RALYL: variants seen among roughly 807,000 people sequenced by gnomAD.
RALYL encodes the protein RNA-binding Raly-like protein.
RALYL carries 29 observed loss-of-function variants against 35.1 expected under a neutral mutation model. The observed-to-expected ratio is 0.83, with a 90% confidence interval of 0.61 to 1.13. The LOEUF (loss-of-function observed/expected upper bound fraction) is 1.13. Among genes scored for constraint, RALYL ranks in the 50% most tolerant of loss-of-function variants. RALYL has a pLI of 0.00. For synonymous variants in RALYL, 120 were observed against 127.6 expected, an observed-to-expected ratio of 0.94 and a Z score of 0.40; for missense variants, 359 against 360.4, an observed-to-expected ratio of 1.00 and a Z score of 0.03.
At chr8:84,515,345 A>G (rs1214509792) in intron 1 of RALYL, among the ~76,000 whole-genome samples, 1 of 152,152 alleles carries the variant, frequency 6.6e-6, no homozygotes, top group African/African-American at 2.4e-5. Context: ...TATAGTGGGC[A>G]CTAGCATGTT....
intron 1 of RALYL, among the ~76,000 whole-genome samples, chr8:84,467,026 T>C (rs1290817110): frequency 6.6e-6 from 1 of 152,234 alleles, no homozygotes; most frequent in Non-Finnish European, 1.5e-5. Context: ...GTTTGATTCT[T>C]CTCTCTTTTT....
intron 1 of RALYL, among the ~76,000 whole-genome samples, chr8:84,502,729 T>G (rs1179774123): frequency 6.6e-6 from 1 of 151,772 alleles, no homozygotes; most frequent in East Asian, 1.9e-4. Context: ...AGAAAAAAAA[T>G]TATACCAACT....
intron 1 of RALYL, among the ~76,000 whole-genome samples, chr8:84,207,536 G>C (rs968746300): frequency 3.3e-5 from 5 of 152,004 alleles, no homozygotes; most frequent in Admixed American, 2.6e-4. Flanking sequence ...GAAGCAGAGA[G>C]TAGAATCATG....
At chr8:84,611,438 A>T (rs1239094862) in intron 2 of RALYL, among the ~76,000 whole-genome samples, 5 of 152,130 alleles carry the variant, frequency 3.3e-5, no homozygotes, top group Admixed American at 6.6e-5. Context: ...GGCAAGAATT[A>T]ATCAGCCACT....
chr8:84,378,329 T>C (rs1266685519), intron 1 of RALYL, among the ~76,000 whole-genome samples: 1 of 151,910 alleles, frequency 6.6e-6, no homozygotes, highest in Non-Finnish European at 1.5e-5. Flanking sequence ...CTTTTCAATA[T>C]ATATAGCTTT....
intron 2 of RALYL, among the ~76,000 whole-genome samples, chr8:84,712,976 C>A (rs1040341646): frequency 5.3e-5 from 8 of 151,976 alleles, no homozygotes; most frequent in Non-Finnish European, 1.2e-4. Flanking sequence ...TGATGCAATT[C>A]TATCTGTTTT....
chr8:84,787,214 G>C (rs1467465519), intron 3 of RALYL, among the ~76,000 whole-genome samples: 2 of 148,118 alleles, frequency 1.4e-5, no homozygotes, highest in Non-Finnish European at 3.0e-5. Flanking sequence ...CTGTGTCCAT[G>C]TGTTCTCATT....
At chr8:84,907,969 C>T (rs1035169908) in intron 8 of RALYL, among the ~76,000 whole-genome samples, 1 of 152,006 alleles carries the variant, frequency 6.6e-6, no homozygotes, top group African/African-American at 2.4e-5. Flanking sequence ...ATAGACAGTA[C>T]TAGAGAAATG....
chr8:84,298,602 G>C (rs1840204549), intron 1 of RALYL, among the ~76,000 whole-genome samples: 1 of 152,098 alleles, frequency 6.6e-6, no homozygotes, highest in African/African-American at 2.4e-5. Context: ...AATGTCATTG[G>C]TGGGTTTGTT....
intron 2 of RALYL, among the ~76,000 whole-genome samples, chr8:84,595,674 T>G (rs577933515): frequency 1.3e-4 from 20 of 151,504 alleles, no homozygotes; most frequent in African/African-American, 4.8e-4. Context: ...ATATGAAACA[T>G]AACTGACAAG....
chr8:84,736,246 A>G (rs1241090236), intron 2 of RALYL, among the ~76,000 whole-genome samples: 1 of 152,156 alleles, frequency 6.6e-6, no homozygotes, highest in Non-Finnish European at 1.5e-5. Context: ...AAAAGTATGG[A>G]TTAAGCTTCT....
chr8:84,344,014 G>A (rs934503829), intron 1 of RALYL, among the ~76,000 whole-genome samples: 12 of 151,872 alleles, frequency 7.9e-5, no homozygotes, highest in South Asian at 4.1e-4. Context: ...AATCCCCAAC[G>A]TGTTCAATTT....
intron 1 of RALYL, among the ~76,000 whole-genome samples, chr8:84,197,753 A>G (rs1815715716): frequency 1.3e-5 from 2 of 148,904 alleles, no homozygotes; most frequent in South Asian, 4.3e-4. Flanking sequence ...ATATAGCGAG[A>G]CCCCATTCTC....
chr8:84,619,305 A>G (rs1820675171), intron 2 of RALYL, among the ~76,000 whole-genome samples: 1 of 151,648 alleles, frequency 6.6e-6, no homozygotes, highest in Non-Finnish European at 1.5e-5. Context: ...TATTTAGGAT[A>G]GTTAGCTCTT....
chr8:84,694,117 G>A (rs1012480683), intron 2 of RALYL, among the ~76,000 whole-genome samples: 3 of 151,730 alleles, frequency 2.0e-5, no homozygotes, highest in African/African-American at 7.3e-5. Flanking sequence ...CAAAGCAATT[G>A]GGTAAGACAA....
At chr8:84,550,518 A>C (rs1405179013) in intron 2 of RALYL, among the ~76,000 whole-genome samples, 2 of 151,956 alleles carry the variant, frequency 1.3e-5, no homozygotes, top group African/African-American at 2.4e-5. Flanking sequence ...TTAACTACTA[A>C]TAATGAAAAG....
At chr8:84,385,632 A>T (rs902892574) in intron 1 of RALYL, among the ~76,000 whole-genome samples, 1 of 151,862 alleles carries the variant, frequency 6.6e-6, no homozygotes, top group Non-Finnish European at 1.5e-5. Flanking sequence ...AATCTTCCAC[A>T]TGCCTTCTCC....
At chr8:84,307,768 G>A (rs1788441095) in intron 1 of RALYL, among the ~76,000 whole-genome samples, 1 of 152,106 alleles carries the variant, frequency 6.6e-6, no homozygotes, top group South Asian at 2.1e-4. Context: ...AAGATGCAGG[G>A]CACAAATTGA....
At chr8:84,529,672 CTTCTT>C (rs2059148153) in intron 2 of RALYL, 95 bp downstream of exon 2, 1 of 1,021,224 alleles carries the variant, frequency 9.8e-7, no homozygotes, top group African/African-American at 1.6e-5. Flanking sequence ...GTTTCTACCT[CTTCTT>C]TAACCAATTA....
Sources: gnomAD v4.1 joint callset for allele counts (sites outside exome capture counted in the v4.1 genomes callset) on GRCh38, gnomAD v4.1.1 for gene constraint, MANE v1.5 for transcripts, NCBI Gene and HGNC (gene_info 2026-07-23, HGNC 2026-07-21) for gene names.